The following UNC13C variants were observed in gnomAD, a reference collection of about 807,000 sequenced individuals.
UNC13C encodes protein unc-13 homolog C.
UNC13C carries 174 observed loss-of-function variants against 245.4 expected under a neutral mutation model. That is an observed-to-expected ratio of 0.71 (90% confidence interval 0.63 to 0.80). UNC13C has a LOEUF of 0.80. UNC13C is among the 30% of genes least tolerant of loss of function. The pLI, the probability that UNC13C is intolerant of heterozygous loss-of-function variation, is 0.00. For synonymous variants in UNC13C, 992 were observed against 895.1 expected, an observed-to-expected ratio of 1.11 and a Z score of -1.93; for missense variants, 2,829 against 2,602.9, an observed-to-expected ratio of 1.09 and a Z score of -1.89.
chr15:54,500,034 C>T (rs926367135), intron 20 of UNC13C, 45 bp from the exon 21 acceptor site: 1 of 1,369,022 alleles, frequency 7.3e-7, no homozygotes, highest in Non-Finnish European at 1.0e-6. Context: ...TAATTTTATG[C>T]AAATGATGTC....
At chr15:54,393,316 C>T in intron 18 of UNC13C, 135 bp downstream of exon 18, 1 of 781,626 alleles carries the variant, frequency 1.3e-6, no homozygotes, top group Non-Finnish European at 1.8e-6. Context: ...TATTTTTCAA[C>T]TTTTATCAGT....
At chr15:53,927,199 T>G in the UNC13C span, among the ~76,000 whole-genome samples, 1 of 152,118 alleles carries the variant, frequency 6.6e-6, no homozygotes, top group African/African-American at 2.4e-5. Context: ...ATGACAAAAC[T>G]AGTGAGTGAT....
At chr15:54,430,380 G>C (rs1390327818) in intron 19 of UNC13C, among the ~76,000 whole-genome samples, 4 of 151,634 alleles carry the variant, frequency 2.6e-5, no homozygotes, top group Non-Finnish European at 5.9e-5. Context: ...AGTTGTAAAA[G>C]AAATCCAAAA....
At chr15:54,316,031 C>T (rs1758025961) in intron 13 of UNC13C, among the ~76,000 whole-genome samples, 1 of 151,880 alleles carries the variant, frequency 6.6e-6, no homozygotes, top group Admixed American at 6.6e-5. Flanking sequence ...ATGCTCCTTC[C>T]ATCAAATTAA....
At chr15:54,108,472 C>G (rs902887012) in intron 2 of UNC13C, among the ~76,000 whole-genome samples, 11 of 152,176 alleles carry the variant, frequency 7.2e-5, no homozygotes, top group African/African-American at 2.7e-4. Context: ...CAGGCTTGAG[C>G]CACCGTGCCT....
At chr15:53,984,213 T>C (rs1346937719) in intron 1 of UNC13C, among the ~76,000 whole-genome samples, 1 of 152,110 alleles carries the variant, frequency 6.6e-6, no homozygotes, top group African/African-American at 2.4e-5. Flanking sequence ...ATATTTTTTT[T>C]TACAACCAGA....
chr15:53,866,407 T>C, the UNC13C span, among the ~76,000 whole-genome samples: 1 of 152,116 alleles, frequency 6.6e-6, no homozygotes, highest in East Asian at 1.9e-4. Flanking sequence ...GACAACACAA[T>C]ATGCAACATC....
At chr15:54,142,974 A>C (rs772215640) in intron 2 of UNC13C, 44 bp from the exon 3 acceptor site, 1 of 1,569,414 alleles carries the variant, frequency 6.4e-7, no homozygotes, top group Non-Finnish European at 8.8e-7. Flanking sequence ...CTTGAAAAGT[A>C]CTCCATCTAA....
chr15:54,172,756 A>ATC (rs2033464186), intron 4 of UNC13C, among the ~76,000 whole-genome samples: 1 of 99,558 alleles, frequency 1.0e-5, no homozygotes, highest in Admixed American at 1.0e-4. Context: ...ATATATATAT[A>ATC]TATATCTTTA....
At chr15:54,588,760 C>T (rs1179955721) in intron 30 of UNC13C, among the ~76,000 whole-genome samples, 2 of 152,200 alleles carry the variant, frequency 1.3e-5, no homozygotes, top group Non-Finnish European at 2.9e-5. Context: ...TCCTGAGTTG[C>T]TTCACTTAGA....
At chr15:53,991,884 C>T (rs1595686782) in intron 1 of UNC13C, among the ~76,000 whole-genome samples, 1 of 152,024 alleles carries the variant, frequency 6.6e-6, no homozygotes, top group South Asian at 2.1e-4. Flanking sequence ...AGATACTCAA[C>T]AATGTTGTTC....
rs1440069978 is a variant in UNC13C at position 54,601,418 on chromosome 15, T to A, written c.6107-20909T>A. Among the ~76,000 whole-genome samples the A allele has an allele frequency of 2.6e-5, 4 of 152,148 alleles. No homozygotes were observed. The East Asian group carries it at 5.8e-4, about 22-fold the overall frequency. ...TTTAGAGGAGAAGGAGAGCACTTGATGGTAGGACTGAGAAGACCCTAGGGG... is the reference window on the plus strand; with the variant it reads ...TTTAGAGGAGAAGGAGAGCACTTGAAGGTAGGACTGAGAAGACCCTAGGGG... On this transcript the variant is annotated intron_variant, in intron 30 of 32. Transcript: ENST00000260323.
chr15:54,147,506 A>C (rs2032318473), intron 4 of UNC13C, among the ~76,000 whole-genome samples: 1 of 152,224 alleles, frequency 6.6e-6, no homozygotes, highest in Non-Finnish European at 1.5e-5. Flanking sequence ...GGCATGAGCC[A>C]CTGCGCCCAG....
At chr15:54,598,860 C>T (rs759166009) in intron 30 of UNC13C, among the ~76,000 whole-genome samples, 1 of 152,024 alleles carries the variant, frequency 6.6e-6, no homozygotes, top group Non-Finnish European at 1.5e-5. Flanking sequence ...GGCACAAATA[C>T]GTATTTGACA....
chr15:54,536,996 G>T (rs1896012697), intron 26 of UNC13C, among the ~76,000 whole-genome samples: 1 of 151,998 alleles, frequency 6.6e-6, no homozygotes, highest in Non-Finnish European at 1.5e-5. Context: ...TCAGGCAAGA[G>T]AAATAAATAA....
At chr15:54,223,523 G>T (rs2035288829) in intron 4 of UNC13C, among the ~76,000 whole-genome samples, 1 of 151,684 alleles carries the variant, frequency 6.6e-6, no homozygotes. Context: ...AGTCAGATAA[G>T]GTGATTCTTT....
intron 17 of UNC13C, among the ~76,000 whole-genome samples, chr15:54,372,545 T>C (rs1470919132): frequency 6.6e-6 from 1 of 152,238 alleles, no homozygotes; most frequent in Non-Finnish European, 1.5e-5. Context: ...CTTTTCATTA[T>C]AGTTCTACTA....
intron 1 of UNC13C, among the ~76,000 whole-genome samples, chr15:54,006,618 G>A (rs1344089706): frequency 6.6e-6 from 1 of 152,144 alleles, no homozygotes; most frequent in Non-Finnish European, 1.5e-5. Flanking sequence ...CCTTCATGTG[G>A]AAAGGATATA....
chr15:54,594,788 TC>T (rs1412633449), intron 30 of UNC13C, among the ~76,000 whole-genome samples: 1 of 152,148 alleles, frequency 6.6e-6, no homozygotes, highest in African/African-American at 2.4e-5. Context: ...GGATGTGTGT[TC>T]GGGAAAGGAT....
Sources: gnomAD v4.1 joint callset for allele counts (sites outside exome capture counted in the v4.1 genomes callset) on GRCh38, gnomAD v4.1.1 for gene constraint, MANE v1.5 for transcripts, NCBI Gene and HGNC (gene_info 2026-07-23, HGNC 2026-07-21) for gene names.